TDRD6: variants seen among roughly 807,000 people sequenced by gnomAD.
TDRD6 encodes tudor domain-containing protein 6.
Under a neutral mutation model 157.5 loss-of-function variants are expected in TDRD6, and 186 were observed. The ratio of observed to expected loss-of-function variants is 1.18; its 90% CI spans 1.05 to 1.33. The LOEUF is 1.33. Among genes scored for constraint, TDRD6 ranks in the 40% most tolerant of loss-of-function variants. TDRD6 has a pLI of 0.00. For missense variants in TDRD6, 3,066 were observed against 2,508.0 expected (o/e 1.22, Z -4.75); for synonymous variants, 1,075 against 945.2 (o/e 1.14, Z -2.52).
rs1409227000 is a variant in TDRD6 at position 46,703,732 on chromosome 6, ATAAAAT to A, written c.*1849_*1854del. On this transcript the variant is annotated 3_prime_UTR_variant, in exon 4 of 4. Transcript: ENST00000316081. Reference sequence around the variant, plus strand: ...CTACATATAGAATTGAAAACATTAAATAAAATTAACTGGAATATGAAGAAGCTAAAT... The same window carrying A: ...CTACATATAGAATTGAAAACATTAAATAACTGGAATATGAAGAAGCTAAAT... The A allele has an allele frequency of 6.6e-6, 1 of 151,492 alleles. No individual in the cohort carries two copies. Among genetic ancestry groups the A allele is most frequent in the East Asian group, 1.9e-4 (1 of 5,204 alleles). 9.4% of individuals were successfully genotyped at this position (151,492 alleles called of 1,614,324 possible). A position where few individuals can be genotyped will look rare whatever the true frequency, so the allele number is the denominator to read the frequency against.
upstream of TDRD6, among the ~76,000 whole-genome samples, chr6:46,686,066 C>T (rs1157502825): frequency 1.3e-5 from 2 of 152,124 alleles, no homozygotes; most frequent in Non-Finnish European, 2.9e-5. Context: ...CAGCCCATAA[C>T]GGCCACGTGA....
At chr6:46,687,768 T>G, upstream of TDRD6, 1 of 213,064 alleles carries the variant, frequency 4.7e-6, no homozygotes, top group South Asian at 1.2e-4. Flanking sequence ...CACCTCGGGG[T>G]CTCCTGAACG....
Position 46,696,581 on chromosome 6 carries a change from G to GTA in TDRD6, c.6171+656_6171+657dup, listed in dbSNP as rs1554181450. Among the ~76,000 whole-genome samples the GTA allele has an allele frequency of 6.9e-3, 241 of 34,864 alleles. 4 individuals carry two copies. The highest frequency in any genetic ancestry group is 0.019 in the South Asian group (10 of 518). The allele number at this position is 34,864 out of a possible 152,430, so 22.9% of individuals were successfully genotyped here. ...TGTGTGTGTGTGTGTGTGTGTGTGTGTATATATATATATATATATATTTTT... is the reference window on the plus strand; with the variant it reads ...TGTGTGTGTGTGTGTGTGTGTGTGTGTATATATATATATATATATATATTTTT... On this transcript the variant is annotated intron_variant, in intron 2 of 3. Transcript: ENST00000316081.
At position 46,691,836 on chromosome 6, in the gene TDRD6, C is replaced by T; in HGVS notation, c.3708C>T (p.Val1236=). 1.2e-6 allele frequency: 2 copies of T among 1,602,348 alleles called. No individual in the cohort carries two copies. Among genetic ancestry groups the T allele is most frequent in the Non-Finnish European group, 1.7e-6 (2 of 1,177,240 alleles). Residue 1236 remains valine (V), a synonymous_variant, in exon 1 of 4, where the codon GTC becomes GTT. Coordinates refer to ENST00000316081, the MANE Select transcript of TDRD6 (RefSeq NM_001010870.3). ...LLQSLTKTNL[V]TQYQDSVGNK... ...AAAGTTTAACAAAAACAAACTTAGTCACTCAATATCAAGACTCTGTGGGAA... is the reference window on the plus strand; with the variant it reads ...AAAGTTTAACAAAAACAAACTTAGTTACTCAATATCAAGACTCTGTGGGAA...
At position 46,691,452 on chromosome 6, in the gene TDRD6, A is replaced by T. The variant is rs376581936; in HGVS notation, c.3324A>T (p.Pro1108=). The T allele has an allele frequency of 1.0e-4, 163 of 1,614,102 alleles. No homozygotes were observed. Among genetic ancestry groups the T allele is most frequent in the Middle Eastern group, 6.6e-4 (4 of 6,060 alleles). ...TATCTGATATTCCTGATCATATACC[A>T]GAAGAAGTGGTGGTGTGGTTTCAGG... ...CSLSDIPDHI[P]EEVVVWFQET... is the part of the protein sequence containing the mutation. Residue 1108 remains proline (P), a synonymous_variant, in exon 1 of 4, where the codon CCA becomes CCT. Coordinates refer to ENST00000316081, the MANE Select transcript of TDRD6 (RefSeq NM_001010870.3).
chr6:46,684,219 T>C (rs78224058), upstream of TDRD6, among the ~76,000 whole-genome samples: 5,165 of 152,288 alleles, frequency 0.034, 218 homozygotes, highest in African/African-American at 0.1. Context: ...AAGCTTTTTA[T>C]TTTGAAATAA....
chr6:46,686,041 G>T (rs999127864), upstream of TDRD6, among the ~76,000 whole-genome samples: 1 of 152,096 alleles, frequency 6.6e-6, no homozygotes, highest in African/African-American at 2.4e-5. Context: ...GTGGATGGGG[G>T]TAAAGGATTC....
chr6:46,687,579 G>A (rs1209071210), upstream of TDRD6: 1 of 152,202 alleles, frequency 6.6e-6, no homozygotes, highest in African/African-American at 2.4e-5. Flanking sequence ...CGTTCCCGTC[G>A]GGAACGCCAC....
In TDRD6 at chr6:46,698,028, A is replaced by C. The variant is rs149845485; in HGVS notation, c.6202A>C (p.Ile2068Leu). The change falls in exon 3 of 4, where the codon ATA (isoleucine) becomes CTA (leucine). Residue 2068 changes from isoleucine to leucine, a missense_variant. Ile to Leu is a conservative substitution (Grantham distance 5). Transcript: ENST00000316081. ...VLNLSNGMEEIVNPENVWNGI... is the reference protein window; with the variant it reads ...VLNLSNGMEELVNPENVWNGI... ...GAACCTTTCAAATGGTATGGAGGAG[A>C]TAGTGAACCCTGAGAATGTCTGGAA... 2.5e-6 allele frequency: 4 copies of C among 1,611,402 alleles called. No individual in the cohort carries two copies. The highest frequency in any genetic ancestry group is 2.5e-6 in the Non-Finnish European group (3 of 1,178,324).
chr6:46,692,744 C>T lies in TDRD6; in HGVS notation c.4616C>T (p.Ala1539Val). The T allele has an allele frequency of 1.9e-6, 3 of 1,614,142 alleles. No individual in the cohort carries two copies. The highest frequency in any genetic ancestry group is 2.5e-6 in the Non-Finnish European group (3 of 1,180,036). Residue 1539 changes from alanine (A) to valine (V), a missense_variant, in exon 1 of 4, where the codon GCT becomes GTT. Transcript: ENST00000316081. The part of the protein sequence containing the change: ...DGPEYFWCQF[A>V]DTEKLQCLEV... Reference sequence around the variant, plus strand: ...CCTGAGTACTTTTGGTGTCAGTTTGCTGATACGGAGAAACTTCAGTGTTTA... The same window carrying T: ...CCTGAGTACTTTTGGTGTCAGTTTGTTGATACGGAGAAACTTCAGTGTTTA...
chr6:46,699,378 G>A (rs764674893), intron 3 of TDRD6, among the ~76,000 whole-genome samples: 2 of 152,122 alleles, frequency 1.3e-5, no homozygotes, highest in Non-Finnish European at 2.9e-5. Context: ...TAGAGAGACG[G>A]GTCATCTCTC....
Position 46,690,222 on chromosome 6 carries a change from A to G in TDRD6, c.2094A>G (p.Ile698Met), listed in dbSNP as rs1764267426. 6.2e-7 allele frequency: 1 copy of G among 1,613,716 alleles called. No individual in the cohort carries two copies. The highest frequency in any genetic ancestry group is 1.1e-5 in the South Asian group (1 of 91,082). The change falls in exon 1 of 4, where the codon ATA becomes ATG. Residue 698 changes from isoleucine to methionine, a missense_variant. Transcript: ENST00000316081. Reference protein sequence around the residue: ...SNHFTTESNKIPFAKTGEGEQ... With the variant: ...SNHFTTESNKMPFAKTGEGEQ... ...ACTTTACTACGGAGAGTAACAAAAT[A>G]CCTTTTGCCAAGACTGGAGAAGGAG...
rs780747036 is a variant in TDRD6, at chr6:46,692,450, G to A, written c.4322G>A (p.Arg1441Gln). 4.0e-5 allele frequency: 64 copies of A among 1,613,914 alleles called. No homozygotes were observed. Among genetic ancestry groups the A allele is most frequent in the South Asian group, 5.5e-5 (5 of 91,070 alleles). The stretch of plus-strand genomic sequence containing the variant: ...AAAATGATGCATTACTTTTCCCAAC[G>A]GACCAGCGAGGCTGCAATAAGATGT... ...SKKMMHYFSQ[R>Q]TSEAAIRCEF... is the part of the protein sequence containing the mutation. The change falls in exon 1 of 4, where the codon CGG (arginine) becomes CAG (glutamine). Residue 1441 changes from arginine (R) to glutamine (Q), a missense_variant. Arg to Gln is a conservative substitution (Grantham distance 43). Coordinates refer to ENST00000316081, the MANE Select transcript of TDRD6 (RefSeq NM_001010870.3).
intron 2 of TDRD6, among the ~76,000 whole-genome samples, chr6:46,697,409 G>T (rs1764526566): frequency 6.6e-6 from 1 of 152,046 alleles, no homozygotes; most frequent in Non-Finnish European, 1.5e-5. Context: ...TTCCTATGGT[G>T]TATTGTAATT....
At chr6:46,683,721 A>G (rs1368519192), upstream of TDRD6, among the ~76,000 whole-genome samples, 1 of 135,188 alleles carries the variant, frequency 7.4e-6, no homozygotes, top group Non-Finnish European at 1.6e-5. Flanking sequence ...ACTAATAACT[A>G]CAACTTATTA....
the TDRD6 span, chr6:46,681,436 C>T: frequency 4.5e-6 from 2 of 440,574 alleles, no homozygotes; most frequent in Non-Finnish European, 9.6e-6. Context: ...ATGCCATATA[C>T]ATGAACATTT....
chr6:46,683,830 A>C (rs1323370733), upstream of TDRD6, among the ~76,000 whole-genome samples: 2 of 152,096 alleles, frequency 1.3e-5, no homozygotes, highest in African/African-American at 4.8e-5. Flanking sequence ...CTAACTCTGA[A>C]AATTTTATTA....
In TDRD6 at chr6:46,691,395, A is replaced by C; in HGVS notation, c.3267A>C (p.Leu1089Phe). 1 of 1,614,084 alleles carries C rather than the reference A, an allele frequency of 6.2e-7. No individual in the cohort carries two copies. Among genetic ancestry groups the C allele is most frequent in the Non-Finnish European group, 8.5e-7 (1 of 1,179,956 alleles). The change falls in exon 1 of 4, where the codon TTA becomes TTC. Residue 1089 changes from leucine (L) to phenylalanine (F), a missense_variant. Coordinates refer to ENST00000316081, the MANE Select transcript of TDRD6 (RefSeq NM_001010870.3). ...TACCTAGTGATGCATATGATGTCTTACTTTTGCCCATGCAAGCTGTCAGAT... is the reference window on the plus strand; with the variant it reads ...TACCTAGTGATGCATATGATGTCTTCCTTTTGCCCATGCAAGCTGTCAGAT... ...LPIPSDAYDV[L>F]LLPMQAVRCS...
chr6:46,696,386 T>C (rs1764494399), intron 2 of TDRD6, among the ~76,000 whole-genome samples: 1 of 149,974 alleles, frequency 6.7e-6, no homozygotes, highest in Admixed American at 6.7e-5. Flanking sequence ...TAAAACTTAT[T>C]AGGGAGCCTG....
Sources: allele counts gnomAD v4.1 joint callset (sites outside exome capture counted in the v4.1 genomes callset), GRCh38; gene constraint gnomAD v4.1.1; transcripts MANE v1.5; gene names NCBI Gene and HGNC (gene_info 2026-07-23, HGNC 2026-07-21).